ELAPOR2: variants seen among roughly 807,000 people sequenced by gnomAD.
ELAPOR2 encodes the protein endosome/lysosome-associated apoptosis and autophagy regulator family member 2.
ELAPOR2 carries 89 observed loss-of-function variants against 120.7 expected under a neutral mutation model. The observed-to-expected ratio is 0.74, with a 90% CI of 0.62 to 0.88. The LOEUF is 0.88. Among genes scored for constraint, ELAPOR2 ranks in the 40% least tolerant of loss-of-function variants. The pLI is 0.00. For synonymous variants in ELAPOR2, 444 were observed against 444.9 expected (o/e 1.00, Z 0.03); for missense variants, 1,134 against 1,251.6 (o/e 0.91, Z 1.42).
intron 12 of ELAPOR2, among the ~76,000 whole-genome samples, chr7:86,917,767 CTG>C (rs899495602): frequency 6.6e-6 from 1 of 151,908 alleles, no homozygotes; most frequent in Admixed American, 6.6e-5. Context: ...ACGGAGAAAA[CTG>C]TTAATAAACT....
chr7:87,019,561 C>G (rs1277236610), intron 1 of ELAPOR2, among the ~76,000 whole-genome samples: 1 of 152,070 alleles, frequency 6.6e-6, no homozygotes, highest in African/African-American at 2.4e-5. Flanking sequence ...AAAACAGTAT[C>G]TGGTAATGTT....
chr7:86,921,639 C>T (rs1789833970), intron 10 of ELAPOR2, among the ~76,000 whole-genome samples: 1 of 151,972 alleles, frequency 6.6e-6, no homozygotes, highest in Non-Finnish European at 1.5e-5. Flanking sequence ...TGCAGGAGCC[C>T]TAAGAAATTA....
rs1788245975 is a variant in ELAPOR2 at position 86,892,963 on chromosome 7, C to T, written c.2823G>A (p.Leu941=). 1.3e-6 allele frequency: 2 copies of T among 1,573,500 alleles called. No homozygotes were observed. The highest frequency in any genetic ancestry group is 1.4e-5 in the African/African-American group (1 of 71,354). The stretch of plus-strand genomic sequence containing the variant: ...AGAAGTAGCAGGTCAGAGCCACCAG[C>T]AAAACGGCAGTAAAAGCTCCCACAC... ...GAGVGAFTAV[L]LVALTCYFWK... The change falls in exon 20 of 22, where the codon TTG becomes TTA. Residue 941 remains leucine (L), a synonymous_variant. Transcript: ENST00000450689.
chr7:87,042,180 C>T (rs1165868625), intron 1 of ELAPOR2, among the ~76,000 whole-genome samples: 1 of 150,714 alleles, frequency 6.6e-6, no homozygotes, highest in African/African-American at 2.5e-5. Context: ...TAACACCCCA[C>T]TGTCAACATT....
At chr7:86,888,626 G>A (rs1799804132) in intron 21 of ELAPOR2, among the ~76,000 whole-genome samples, 1 of 152,094 alleles carries the variant, frequency 6.6e-6, no homozygotes. Flanking sequence ...CCCTGCCCCA[G>A]AGTAACACCA....
At chr7:86,970,158 A>G (rs904570419) in intron 1 of ELAPOR2, among the ~76,000 whole-genome samples, 1 of 152,152 alleles carries the variant, frequency 6.6e-6, no homozygotes, top group Non-Finnish European at 1.5e-5. Flanking sequence ...CTCCCTGTCT[A>G]TCTTCTGTAG....
At chr7:86,934,164 C>G (rs1476734101) in intron 8 of ELAPOR2, among the ~76,000 whole-genome samples, 3 of 151,744 alleles carry the variant, frequency 2.0e-5, no homozygotes, top group Non-Finnish European at 4.4e-5. Context: ...TTTAGGAAAC[C>G]TCATTTATTT....
chr7:86,970,960 G>A (rs1449116977), intron 1 of ELAPOR2, among the ~76,000 whole-genome samples: 3 of 152,150 alleles, frequency 2.0e-5, no homozygotes, highest in Non-Finnish European at 4.4e-5. Flanking sequence ...ATGCCACTGT[G>A]TAGACTCTGG....
intron 1 of ELAPOR2, among the ~76,000 whole-genome samples, chr7:87,036,335 T>C (rs796700578): frequency 2.6e-5 from 4 of 152,108 alleles, no homozygotes; most frequent in Admixed American, 6.5e-5. Flanking sequence ...AATACAAAAA[T>C]TAGCAAGGCA....
At chr7:87,020,109 G>T (rs1475033813) in intron 1 of ELAPOR2, among the ~76,000 whole-genome samples, 1 of 151,988 alleles carries the variant, frequency 6.6e-6, no homozygotes, top group Non-Finnish European at 1.5e-5. Flanking sequence ...CATCCCAATT[G>T]CTCTTTTAAG....
At chr7:86,942,629 A>T (rs1036975763) in intron 4 of ELAPOR2, among the ~76,000 whole-genome samples, 2 of 152,086 alleles carry the variant, frequency 1.3e-5, no homozygotes, top group Non-Finnish European at 2.9e-5. Flanking sequence ...CAAAGTTCCA[A>T]ATTTTTATTT....
At chr7:87,017,435 G>A (rs761443356) in intron 1 of ELAPOR2, among the ~76,000 whole-genome samples, 1 of 152,108 alleles carries the variant, frequency 6.6e-6, no homozygotes, top group Non-Finnish European at 1.5e-5. Flanking sequence ...TTGGAAAAAT[G>A]CTCATAATAG....
intron 1 of ELAPOR2, among the ~76,000 whole-genome samples, chr7:86,972,445 T>C (rs550457355): frequency 1.3e-5 from 2 of 152,212 alleles, no homozygotes; most frequent in East Asian, 3.9e-4. Flanking sequence ...TAAACTCTCC[T>C]CCAAATTCCT....
chr7:86,946,909 A>G (rs1791032668), intron 3 of ELAPOR2, among the ~76,000 whole-genome samples: 1 of 152,186 alleles, frequency 6.6e-6, no homozygotes, highest in African/African-American at 2.4e-5. Flanking sequence ...TCAAGGAAAT[A>G]ATCCTATTAT....
intron 1 of ELAPOR2, among the ~76,000 whole-genome samples, chr7:87,050,277 C>G (rs538173022): frequency 6.6e-6 from 1 of 152,096 alleles, no homozygotes; most frequent in East Asian, 1.9e-4. Context: ...AATTTTAATC[C>G]CCAATGCTGA....
intron 2 of ELAPOR2, among the ~76,000 whole-genome samples, chr7:86,961,058 T>C (rs1791686924): frequency 1.3e-5 from 2 of 152,162 alleles, no homozygotes; most frequent in African/African-American, 4.8e-5. Context: ...GTATGAGAAA[T>C]ACAAAAACTA....
chr7:86,903,173 T>C (rs1039884351), intron 18 of ELAPOR2, among the ~76,000 whole-genome samples: 4 of 152,196 alleles, frequency 2.6e-5, no homozygotes, highest in African/African-American at 9.6e-5. Flanking sequence ...AAAATTGATC[T>C]GAAAATTTTA....
chr7:87,017,340 G>C (rs895103355), intron 1 of ELAPOR2, among the ~76,000 whole-genome samples: 2 of 152,184 alleles, frequency 1.3e-5, no homozygotes, highest in Non-Finnish European at 2.9e-5. Flanking sequence ...AATGATCAAC[G>C]ATGGGGAACT....
At position 87,006,661 on chromosome 7, in the gene ELAPOR2, A is replaced by G. The variant is rs75236485; in HGVS notation, c.190-41637T>C. Among the ~76,000 whole-genome samples the G allele has an allele frequency of 8.5e-5, 13 of 152,324 alleles. No individual in the cohort carries two copies. In the East Asian group the frequency reaches 2.5e-3, roughly 29 times the overall value. ...GTTTGGTAGTTTCCTATACAGCTCAATAAACACCTATCCAATGGTCCAGCC... is the reference window on the plus strand; with the variant it reads ...GTTTGGTAGTTTCCTATACAGCTCAGTAAACACCTATCCAATGGTCCAGCC... On this transcript the variant is annotated intron_variant, in intron 1 of 21. Transcript: ENST00000450689.
Sources: allele counts gnomAD v4.1 joint callset (sites outside exome capture counted in the v4.1 genomes callset), GRCh38; gene constraint gnomAD v4.1.1; transcripts MANE v1.5; gene names NCBI Gene and HGNC (gene_info 2026-07-23, HGNC 2026-07-21).